CERS6: variants seen among roughly 807,000 people sequenced by gnomAD.
CERS6 encodes ceramide synthase 6.
A neutral mutation model predicts 56.8 loss-of-function variants in CERS6; 26 were observed. The ratio of observed to expected loss-of-function variants is 0.46; its 90% CI spans 0.34 to 0.63. The LOEUF (loss-of-function observed/expected upper bound fraction) is 0.63. Ranked by LOEUF, CERS6 falls within the 30% of genes least tolerant of loss-of-function variation. The pLI is 0.01. For synonymous variants in CERS6, 164 were observed against 173.3 expected, an observed-to-expected ratio of 0.95 and a Z score of 0.42; for missense variants, 415 against 467.5, an observed-to-expected ratio of 0.89 and a Z score of 1.04.
At chr2:168,657,620 G>A (rs187291312) in intron 4 of CERS6, among the ~76,000 whole-genome samples, 25,671 of 152,136 alleles carry the variant, frequency 0.17, 2,380 homozygotes, top group South Asian at 0.33. Flanking sequence ...GAAATCAAGT[G>A]CAGCGCCTGT....
At chr2:168,509,706 C>G (rs754487684) in intron 1 of CERS6, among the ~76,000 whole-genome samples, 7 of 152,300 alleles carry the variant, frequency 4.6e-5, no homozygotes, top group Non-Finnish European at 5.9e-5. Flanking sequence ...ATTTGGTATA[C>G]TGGTACAGTT....
chr2:168,505,982 C>T (rs1694670456), intron 1 of CERS6, among the ~76,000 whole-genome samples: 1 of 152,198 alleles, frequency 6.6e-6, no homozygotes, highest in East Asian at 1.9e-4. Flanking sequence ...GGCTCCTGAG[C>T]TGCTTTATGT....
chr2:168,657,785 C>G (rs566780340), intron 4 of CERS6, among the ~76,000 whole-genome samples: 2 of 152,236 alleles, frequency 1.3e-5, no homozygotes, highest in South Asian at 4.1e-4. Flanking sequence ...GGCCCGCAAG[C>G]GCCGCACGCA....
intron 1 of CERS6, among the ~76,000 whole-genome samples, chr2:168,508,257 C>G (rs1310994972): frequency 6.6e-6 from 1 of 152,064 alleles, no homozygotes; most frequent in Non-Finnish European, 1.5e-5. Flanking sequence ...GTGTTGCTTC[C>G]CTGAAAGAAT....
At chr2:168,728,295 G>C (rs910403874) in intron 8 of CERS6, among the ~76,000 whole-genome samples, 4 of 151,608 alleles carry the variant, frequency 2.6e-5, no homozygotes, top group Non-Finnish European at 5.9e-5. Context: ...TAATAAGGCA[G>C]TGTGGGTGGA....
chr2:168,585,043 A>G (rs963676674), intron 3 of CERS6, among the ~76,000 whole-genome samples: 1 of 152,272 alleles, frequency 6.6e-6, no homozygotes, highest in Non-Finnish European at 1.5e-5. Context: ...TGCCAACTCC[A>G]TATTTGCTGA....
chr2:168,760,476 C>T (rs1195141994), intron 8 of CERS6, among the ~76,000 whole-genome samples: 11 of 152,160 alleles, frequency 7.2e-5, no homozygotes, highest in Non-Finnish European at 4.4e-5. Context: ...TCTCCTTTGG[C>T]AATACCCTCA....
chr2:168,507,181 C>A (rs1694693847), intron 1 of CERS6, among the ~76,000 whole-genome samples: 1 of 152,100 alleles, frequency 6.6e-6, no homozygotes, highest in African/African-American at 2.4e-5. Flanking sequence ...TTCTATATAA[C>A]CAGTATATAC....
intron 3 of CERS6, among the ~76,000 whole-genome samples, chr2:168,595,658 T>C (rs532114041): frequency 1.7e-4 from 26 of 152,360 alleles, no homozygotes; most frequent in Admixed American, 9.1e-4. Flanking sequence ...ATTTTCATTA[T>C]ACATTCAGAT....
At chr2:168,561,033 G>A (rs1243146440) in intron 2 of CERS6, among the ~76,000 whole-genome samples, 159 bp from the exon 3 acceptor site, 1 of 152,130 alleles carries the variant, frequency 6.6e-6, no homozygotes, top group Non-Finnish European at 1.5e-5. Context: ...CATGCTGCTA[G>A]TGGAAGGCCT....
intron 8 of CERS6, among the ~76,000 whole-genome samples, chr2:168,743,999 T>C (rs7608083): frequency 3.9e-5 from 5 of 127,612 alleles, no homozygotes; most frequent in African/African-American, 1.3e-4. Context: ...TTTTTTCTTT[T>C]TTTTTTTTTT....
chr2:168,713,539 T>G (rs1335035048), intron 6 of CERS6, among the ~76,000 whole-genome samples: 1 of 152,132 alleles, frequency 6.6e-6, no homozygotes, highest in South Asian at 2.1e-4. Context: ...ACAAACCATG[T>G]CCAGATGGTC....
intron 8 of CERS6, among the ~76,000 whole-genome samples, chr2:168,736,658 C>T (rs187672746): frequency 6.6e-6 from 1 of 152,290 alleles, no homozygotes; most frequent in Non-Finnish European, 1.5e-5. Context: ...GGGAAAAAGG[C>T]TTAAATTGAG....
chr2:168,501,376 A>G (rs1694577089), intron 1 of CERS6, among the ~76,000 whole-genome samples: 1 of 152,232 alleles, frequency 6.6e-6, no homozygotes, highest in South Asian at 2.1e-4. Flanking sequence ...CTTTTCAAGT[A>G]TACATAGTCA....
At chr2:168,559,475 T>G (rs1695745012) in intron 2 of CERS6, among the ~76,000 whole-genome samples, 1 of 152,012 alleles carries the variant, frequency 6.6e-6, no homozygotes, top group African/African-American at 2.4e-5. Context: ...CATGGCCATC[T>G]TCTCTTGTAA....
At chr2:168,538,172 C>T (rs1695299754) in intron 1 of CERS6, among the ~76,000 whole-genome samples, 1 of 146,892 alleles carries the variant, frequency 6.8e-6, no homozygotes, top group Admixed American at 7.0e-5. Flanking sequence ...TCTCTTAGGA[C>T]AGAATAAATC....
chr2:168,686,619 A>G (rs1318154469), intron 4 of CERS6, among the ~76,000 whole-genome samples: 1 of 152,124 alleles, frequency 6.6e-6, no homozygotes. Context: ...TTTCTAGGTA[A>G]TAGCTCATTT....
chr2:168,675,701 T>C (rs1686041262), intron 4 of CERS6, among the ~76,000 whole-genome samples: 3 of 152,100 alleles, frequency 2.0e-5, no homozygotes, highest in Non-Finnish European at 4.4e-5. Flanking sequence ...GTTTCTTTTT[T>C]TTATGAGATG....
At chr2:168,719,778 C>G (rs1236384626) in intron 8 of CERS6, among the ~76,000 whole-genome samples, 1 of 152,210 alleles carries the variant, frequency 6.6e-6, no homozygotes, top group South Asian at 2.1e-4. Flanking sequence ...CTTCCAGTCA[C>G]AATACATCCT....
Sources: allele counts gnomAD v4.1 joint callset (sites outside exome capture counted in the v4.1 genomes callset), GRCh38; gene constraint gnomAD v4.1.1; transcripts MANE v1.5; gene names NCBI Gene and HGNC (gene_info 2026-07-23, HGNC 2026-07-21).